ITGA9: variants seen among roughly 807,000 people sequenced by gnomAD.
The protein encoded by ITGA9 is integrin subunit alpha 9.
In ITGA9, 56 loss-of-function variants were observed where a neutral mutation model predicts 127.8. That is an observed-to-expected ratio of 0.44 (90% confidence interval 0.35 to 0.55). ITGA9 has a LOEUF of 0.55. Ranked by LOEUF, ITGA9 falls within the 20% of genes least tolerant of loss-of-function variation. The probability of loss-of-function intolerance (pLI) is 0.00; values close to 1 mark genes in which losing one functional copy is unlikely to be tolerated. For missense variants in ITGA9, 1,196 were observed against 1,347.1 expected (o/e 0.89, Z 1.76); for synonymous variants, 508 against 514.5 (o/e 0.99, Z 0.17).
intron 23 of ITGA9, 81 bp from the exon 24 acceptor site, chr3:37,777,311 C>T: frequency 6.7e-7 from 1 of 1,493,848 alleles, no homozygotes; most frequent in South Asian, 1.1e-5. Context: ...TTCTACCACT[C>T]CTGCCTCTAC....
chr3:37,695,262 G>C (rs1700872883), intron 18 of ITGA9, among the ~76,000 whole-genome samples: 2 of 152,232 alleles, frequency 1.3e-5, no homozygotes, highest in Non-Finnish European at 2.9e-5. Flanking sequence ...AAGACCCACG[G>C]TTCTGGCTCT....
At chr3:37,572,937 T>C (rs1315338800) in intron 15 of ITGA9, among the ~76,000 whole-genome samples, 1 of 152,194 alleles carries the variant, frequency 6.6e-6, no homozygotes, top group Non-Finnish European at 1.5e-5. Flanking sequence ...GTGTAGGCTT[T>C]GGTAAGATCT....
At chr3:37,711,062 G>T (rs1360942586) in intron 18 of ITGA9, among the ~76,000 whole-genome samples, 1 of 152,208 alleles carries the variant, frequency 6.6e-6, no homozygotes, top group East Asian at 1.9e-4. Flanking sequence ...TGTTGGCTGG[G>T]GATGCAGTTG....
chr3:37,493,946 C>T (rs1456165979), intron 4 of ITGA9, among the ~76,000 whole-genome samples: 1 of 152,136 alleles, frequency 6.6e-6, no homozygotes, highest in Non-Finnish European at 1.5e-5. Flanking sequence ...TTCTTTCCAC[C>T]TGGAGAGATC....
chr3:37,558,369 T>C (rs730172), intron 15 of ITGA9, among the ~76,000 whole-genome samples: 84,914 of 152,006 alleles, frequency 0.56, 24,503 homozygotes, highest in African/African-American at 0.69. Flanking sequence ...TTAAAAAGAC[T>C]GGGCCCTGTC....
chr3:37,702,112 G>C (rs1375477233), intron 18 of ITGA9, among the ~76,000 whole-genome samples: 2 of 152,194 alleles, frequency 1.3e-5, no homozygotes. Context: ...GAGCCACTTA[G>C]AAGGGCTTAG....
intron 18 of ITGA9, among the ~76,000 whole-genome samples, chr3:37,686,945 C>T (rs79166820): frequency 8.5e-5 from 13 of 152,246 alleles, no homozygotes; most frequent in East Asian, 1.9e-4. Flanking sequence ...CCAGGAGAGC[C>T]CCCCCAACCT....
chr3:37,509,860 A>G (rs1698883699), intron 8 of ITGA9, among the ~76,000 whole-genome samples: 1 of 152,312 alleles, frequency 6.6e-6, no homozygotes, highest in South Asian at 2.1e-4. Flanking sequence ...CTTGTGATTT[A>G]CAAAAGAGAG....
intron 1 of ITGA9, among the ~76,000 whole-genome samples, chr3:37,458,350 G>A (rs542259527): frequency 6.6e-6 from 1 of 152,182 alleles, no homozygotes; most frequent in East Asian, 1.9e-4. Context: ...TGAGAGAATT[G>A]TTGGGGGCGG....
chr3:37,679,432 T>C (rs1259322803), intron 17 of ITGA9, among the ~76,000 whole-genome samples: 1 of 152,006 alleles, frequency 6.6e-6, no homozygotes, highest in East Asian at 1.9e-4. Context: ...TGAGATGGAG[T>C]TGATATTAGA....
intron 26 of ITGA9, among the ~76,000 whole-genome samples, chr3:37,800,483 A>T (rs1275523028): frequency 6.6e-6 from 1 of 152,232 alleles, no homozygotes; most frequent in Admixed American, 6.5e-5. Context: ...CTCACAGTTC[A>T]TCTGTACAAG....
intron 17 of ITGA9, 65 bp from the exon 18 acceptor site, chr3:37,683,800 C>G (rs547437507): frequency 7.7e-6 from 12 of 1,552,870 alleles, no homozygotes; most frequent in Middle Eastern, 2.0e-4. Context: ...TCAACTACCC[C>G]CTGTGCCTCA....
At chr3:37,648,792 A>T (rs1158266258) in intron 16 of ITGA9, among the ~76,000 whole-genome samples, 1 of 152,172 alleles carries the variant, frequency 6.6e-6, no homozygotes, top group Non-Finnish European at 1.5e-5. Context: ...AAATCAGAAC[A>T]CTATATTACT....
At position 37,688,901 on chromosome 3, in the gene ITGA9, T is replaced by C. The variant is rs369008962; in HGVS notation, c.2067+4886T>C. On this transcript the variant is annotated intron_variant, in intron 18 of 27. Coordinates refer to ENST00000264741, the MANE Select transcript of ITGA9 (RefSeq NM_002207.3). ...GTGACTGGGTGGATGAGTGGGTGGA[T>C]AGTTATGTGGATAGGTGAGTGGGGA... Among the ~76,000 whole-genome samples the C allele has an allele frequency of 4.0e-4, 61 of 151,580 alleles. No individual in the cohort carries two copies. The East Asian group carries it at 0.011, about 27-fold the overall frequency.
rs748793391 is a variant in ITGA9 at position 37,533,509 on chromosome 3, C to CT, written c.1528+42dup. ...GTCAGGGCTCAGGATACCCGTTTAG[C>CT]TGGAGTGGGCTAGTGGGATATTTCC... On this transcript the variant is annotated intron_variant, in intron 14 of 27. Transcript: ENST00000264741. The CT allele has an allele frequency of 3.7e-6, 6 of 1,600,098 alleles. No individual in the cohort carries two copies. The Admixed American group carries it at 1.0e-4, about 27-fold the overall frequency.
At chr3:37,564,216 T>G (rs1424340004) in intron 15 of ITGA9, among the ~76,000 whole-genome samples, 2 of 152,250 alleles carry the variant, frequency 1.3e-5, no homozygotes, top group Non-Finnish European at 2.9e-5. Context: ...TATGAATAAC[T>G]TGGCTTTATG....
intron 15 of ITGA9, among the ~76,000 whole-genome samples, chr3:37,591,403 C>A (rs1225785841): frequency 1.3e-5 from 2 of 152,186 alleles, no homozygotes; most frequent in Non-Finnish European, 2.9e-5. Context: ...GTGTACCCCA[C>A]CCTTAGCCAT....
In ITGA9 at chr3:37,712,538, G is replaced by A. The variant is rs934711343; in HGVS notation, c.2068-20174G>A. ...TGGTGTAGGTAAAAGAGAATGTAGG[G>A]TTTTGCAAACTGAAAGTACCTGGGG... On this transcript the variant is annotated intron_variant, in intron 18 of 27. Transcript: ENST00000264741. Among the ~76,000 whole-genome samples the A allele has an allele frequency of 4.6e-5, 7 of 152,266 alleles. No individual in the cohort carries two copies. In the East Asian group the frequency reaches 1.4e-3, roughly 29 times the overall value.
chr3:37,762,840 T>C (rs1696738685), intron 23 of ITGA9, among the ~76,000 whole-genome samples: 1 of 152,244 alleles, frequency 6.6e-6, no homozygotes, highest in Admixed American at 6.5e-5. Context: ...GGCATGGTCA[T>C]GCAGAACTAA....
Sources: allele counts gnomAD v4.1 joint callset (sites outside exome capture counted in the v4.1 genomes callset), GRCh38; gene constraint gnomAD v4.1.1; transcripts MANE v1.5; gene names NCBI Gene and HGNC (gene_info 2026-07-23, HGNC 2026-07-21).